The following ANKRD12 variants were observed in gnomAD, a reference collection of about 807,000 sequenced individuals.
ANKRD12 encodes the protein ankyrin repeat domain 12, also known as ankyrin repeat domain-containing protein 12.
ANKRD12 carries 85 observed loss-of-function variants against 183.4 expected under a neutral mutation model. The observed-to-expected ratio is 0.46, with a 90% CI of 0.39 to 0.56. The LOEUF (loss-of-function observed/expected upper bound fraction) is 0.56, where lower values mean the gene tolerates loss of function less well. Among genes scored for constraint, ANKRD12 ranks in the 20% least tolerant of loss-of-function variants. The pLI, the probability that ANKRD12 is intolerant of heterozygous loss-of-function variation, is 0.00. For synonymous variants in ANKRD12, 914 were observed against 800.2 expected (o/e 1.14, Z -2.40); for missense variants, 2,405 against 2,357.1 (o/e 1.02, Z -0.42).
intron 12 of ANKRD12, among the ~76,000 whole-genome samples, chr18:9,279,934 G>A (rs2040030555): frequency 6.6e-6 from 1 of 152,160 alleles, no homozygotes; most frequent in South Asian, 2.1e-4. Flanking sequence ...AAGAATAGGA[G>A]AATGGTAAGA....
At chr18:9,245,207 T>C (rs1286099673) in intron 8 of ANKRD12, among the ~76,000 whole-genome samples, 5 of 151,264 alleles carry the variant, frequency 3.3e-5, no homozygotes, top group Non-Finnish European at 7.4e-5. Context: ...CCCAGCCCTT[T>C]GGGAGGCCAA....
At chr18:9,243,974 C>CAGT (rs1744719321) in intron 8 of ANKRD12, among the ~76,000 whole-genome samples, 1 of 152,108 alleles carries the variant, frequency 6.6e-6, no homozygotes, top group Non-Finnish European at 1.5e-5. Flanking sequence ...GTTTCCGTCT[C>CAGT]TACTAATAAA....
chr18:9,171,962 A>G (rs908601447), intron 1 of ANKRD12, among the ~76,000 whole-genome samples: 4 of 150,778 alleles, frequency 2.7e-5, no homozygotes, highest in Admixed American at 6.6e-5. Context: ...GGAGGTTGCA[A>G]TGAGCTGGGA....
intron 7 of ANKRD12, among the ~76,000 whole-genome samples, chr18:9,219,258 G>T (rs114143215): frequency 6.6e-6 from 1 of 152,096 alleles, no homozygotes; most frequent in African/African-American, 2.4e-5. Flanking sequence ...TCTTTATTCT[G>T]TTTTCTCATT....
intron 1 of ANKRD12, among the ~76,000 whole-genome samples, chr18:9,161,717 G>A (rs1025491219): frequency 1.3e-5 from 2 of 151,062 alleles, no homozygotes; most frequent in Non-Finnish European, 2.9e-5. Flanking sequence ...GTATAGTTAC[G>A]GGGTACTATG....
chr18:9,211,854 C>G (rs750630261), intron 6 of ANKRD12, 70 bp downstream of exon 6: 31 of 1,288,694 alleles, frequency 2.4e-5, no homozygotes, highest in Non-Finnish European at 3.3e-5. Flanking sequence ...ACAATTTAAT[C>G]TACATTCTTT....
intron 4 of ANKRD12, among the ~76,000 whole-genome samples, chr18:9,206,221 C>A (rs1282524771): frequency 6.6e-6 from 1 of 151,990 alleles, no homozygotes; most frequent in African/African-American, 2.4e-5. Flanking sequence ...GCTAAATGAA[C>A]ACATTTGTCA....
In ANKRD12 at chr18:9,227,386, A is replaced by G. The variant is rs1471565696; in HGVS notation, c.943+5387A>G. 2.6e-5 allele frequency among the ~76,000 whole-genome samples: 4 copies of G among 152,214 alleles called. No homozygotes were observed. In the East Asian group the frequency reaches 7.7e-4, roughly 29 times the overall value. Reference sequence around the variant, plus strand: ...AGTTATCATTCCCACCTTCCAGGTTATGATCTTAAAATGTTTTCTACAAAA... The same window carrying G: ...AGTTATCATTCCCACCTTCCAGGTTGTGATCTTAAAATGTTTTCTACAAAA... On this transcript the variant is annotated intron_variant, in intron 8 of 12. Transcript: ENST00000262126.
chr18:9,222,516 C>T (rs2036479242), intron 8 of ANKRD12, among the ~76,000 whole-genome samples: 1 of 148,254 alleles, frequency 6.7e-6, no homozygotes, highest in Non-Finnish European at 1.5e-5. Flanking sequence ...AACAAAAAAA[C>T]ATTTACTGTG....
rs1358871964 is a variant in ANKRD12 at position 9,212,871 on chromosome 18, T to TA, written c.652+1090dup. ...TGGTAAACATTTCTTATGTTTATTA[T>TA]AAACTTATGTGTATTTTATGAATTG... On this transcript the variant is annotated intron_variant, in intron 6 of 12. Coordinates refer to ENST00000262126, the MANE Select transcript of ANKRD12 (RefSeq NM_015208.5). 5.3e-5 allele frequency among the ~76,000 whole-genome samples: 8 copies of TA among 152,094 alleles called. No homozygotes were observed. In the East Asian group the frequency reaches 1.5e-3, roughly 29 times the overall value.
In ANKRD12 at chr18:9,208,626, C is replaced by T. The variant is rs375071777; in HGVS notation, c.305-31C>T. On this transcript the variant is annotated intron_variant, in intron 4 of 12. Transcript: ENST00000262126. The stretch of plus-strand genomic sequence containing the variant: ...TGCTTTTGAGTACTTGGATTTGTTT[C>T]AAATTCTTACATATTTGTTAATAAT... 6.3e-6 allele frequency: 10 copies of T among 1,576,540 alleles called. No individual in the cohort carries two copies. In the African/African-American group the frequency reaches 1.2e-4, roughly 20 times the overall value.
At chr18:9,261,781 G>A (rs184402304) in intron 9 of ANKRD12, among the ~76,000 whole-genome samples, 28 of 152,004 alleles carry the variant, frequency 1.8e-4, no homozygotes, top group African/African-American at 5.8e-4. Context: ...CACATGATTC[G>A]TTTCACTAAC....
intron 1 of ANKRD12, among the ~76,000 whole-genome samples, chr18:9,163,866 G>A (rs2031736569): frequency 6.6e-6 from 1 of 152,054 alleles, no homozygotes; most frequent in Admixed American, 6.6e-5. Context: ...AGTGATTATT[G>A]CACATTGATT....
Position 9,208,766 on chromosome 18 carries a change from A to G in ANKRD12, c.414A>G (p.Ala138=). ...GYPLSERKQM[A]LLMQMTARDN... ...CACTCTCTGAGCGAAAACAGATGGC[A>G]CTTCTTATGCAGATGACAGCAAGAG... The change falls in exon 5 of 13, where the codon GCA becomes GCG. Residue 138 remains alanine, a synonymous_variant. Coordinates refer to ENST00000262126, the MANE Select transcript of ANKRD12 (RefSeq NM_015208.5). 6.2e-7 allele frequency: 1 copy of G among 1,608,914 alleles called. No individual in the cohort carries two copies. The highest frequency in any genetic ancestry group is 8.5e-7 in the Non-Finnish European group (1 of 1,177,382).
chr18:9,217,988 C>A (rs899315947), intron 7 of ANKRD12, among the ~76,000 whole-genome samples: 1 of 152,102 alleles, frequency 6.6e-6, no homozygotes, highest in African/African-American at 2.4e-5. Flanking sequence ...GGGTACATTG[C>A]CCTTTCCTTT....
At chr18:9,220,670 C>T (rs928727614) in intron 7 of ANKRD12, among the ~76,000 whole-genome samples, 1 of 152,092 alleles carries the variant, frequency 6.6e-6, no homozygotes, top group Non-Finnish European at 1.5e-5. Context: ...CACATAGAAT[C>T]AGTTGGATGT....
At chr18:9,175,948 A>AC (rs201140574) in intron 1 of ANKRD12, among the ~76,000 whole-genome samples, 6 of 151,888 alleles carry the variant, frequency 4.0e-5, no homozygotes, top group Non-Finnish European at 1.5e-5. Context: ...ACCAAAAAAA[A>AC]CTCTTTGTTT....
intron 8 of ANKRD12, among the ~76,000 whole-genome samples, chr18:9,237,803 G>A (rs995106934): frequency 6.6e-6 from 1 of 152,200 alleles, no homozygotes; most frequent in African/African-American, 2.4e-5. Flanking sequence ...AGTGGCAGAG[G>A]AGATGATGAT....
intron 8 of ANKRD12, among the ~76,000 whole-genome samples, chr18:9,237,652 T>C (rs927113495): frequency 6.6e-6 from 1 of 152,246 alleles, no homozygotes; most frequent in African/African-American, 2.4e-5. Context: ...AGAATAGTTA[T>C]ATCTCATTTT....
Sources: gnomAD v4.1 joint callset for allele counts (sites outside exome capture counted in the v4.1 genomes callset) on GRCh38, gnomAD v4.1.1 for gene constraint, MANE v1.5 for transcripts, NCBI Gene and HGNC (gene_info 2026-07-23, HGNC 2026-07-21) for gene names.